Variants in GCDH observed in about 807,000 individuals in gnomAD.
GCDH encodes the protein glutaryl-CoA dehydrogenase.
In GCDH, 31 loss-of-function variants were observed where a neutral mutation model predicts 52.8. The ratio of observed to expected loss-of-function variants is 0.59; its 90% CI spans 0.44 to 0.79. The LOEUF (loss-of-function observed/expected upper bound fraction) is 0.79, where lower values mean the gene tolerates loss of function less well. GCDH is among the 30% of genes least tolerant of loss of function. The probability of loss-of-function intolerance (pLI) is 0.00; values close to 1 mark genes in which losing one functional copy is unlikely to be tolerated. For synonymous variants in GCDH, 242 were observed against 250.0 expected (o/e 0.97, Z 0.30); for missense variants, 509 against 595.0 (o/e 0.86, Z 1.50).
At chr19:12,892,932 C>CTGGATT (rs1238631430) in intron 5 of GCDH, among the ~76,000 whole-genome samples, 43 of 146,446 alleles carry the variant, frequency 2.9e-4, no homozygotes, top group African/African-American at 9.1e-4. Context: ...GCCTGGATTA[C>CTGGATT]TGGATTACAG....
chr19:12,893,816 C>T, intron 6 of GCDH, 163 bp downstream of exon 6: 1 of 703,076 alleles, frequency 1.4e-6, no homozygotes, highest in Non-Finnish European at 2.5e-6. Context: ...GAGATCTGAT[C>T]CCTGGCCAGC....
chr19:12,891,362 C>T lies in GCDH; in HGVS notation c.58C>T (p.Leu20Phe). The T allele has an allele frequency of 6.2e-7, 1 of 1,613,836 alleles. No individual in the cohort carries two copies. Among genetic ancestry groups the T allele is most frequent in the Non-Finnish European group, 8.5e-7 (1 of 1,180,014 alleles). The stretch of plus-strand genomic sequence containing the variant: ...GAGCCGCGGACCCGGCCTGCACGTC[C>T]TTCGCACGTGGGTCTCGTCGGCGGC... The part of the protein sequence containing the change: ...LLSRGPGLHV[L>F]RTWVSSAAQT... The change falls in exon 2 of 12, where the codon CTT (leucine) becomes TTT (phenylalanine). Residue 20 changes from leucine to phenylalanine, a missense_variant. Physicochemically the swap from Leu to Phe is conservative, Grantham distance 22. Transcript: ENST00000222214.
rs1195824990 is a variant in GCDH at position 12,899,305 on chromosome 19, G to C, written c.1244-163G>C. On this transcript the variant is annotated intron_variant, in intron 11 of 11. Coordinates refer to ENST00000222214, the MANE Select transcript of GCDH (RefSeq NM_000159.4). ...ATGGTGGCCTCACAGTCTTCTCCTGGAGACTGTCACTAAGGCGTGAGTCTC... is the reference window on the plus strand; with the variant it reads ...ATGGTGGCCTCACAGTCTTCTCCTGCAGACTGTCACTAAGGCGTGAGTCTC... 3 of 1,570,756 alleles carry C rather than the reference G, an allele frequency of 1.9e-6. No homozygotes were observed. The South Asian group carries it at 3.3e-5, about 17-fold the overall frequency.
intron 9 of GCDH, 125 bp from the exon 10 acceptor site, chr19:12,897,178 G>A: frequency 3.0e-6 from 4 of 1,344,094 alleles, no homozygotes; most frequent in Non-Finnish European, 4.2e-6. Context: ...TCAACGGCAG[G>A]GCCAGGGCAA....
chr19:12,899,289 T>C (rs1245391097), intron 11 of GCDH, 179 bp from the exon 12 acceptor site: 2 of 1,499,572 alleles, frequency 1.3e-6, no homozygotes, highest in East Asian at 2.3e-5. Context: ...AATGGTGGCC[T>C]CACAGTCTTC....
At chr19:12,892,728 G>A (rs1970588525) in intron 5 of GCDH, among the ~76,000 whole-genome samples, 1 of 147,524 alleles carries the variant, frequency 6.8e-6, no homozygotes, top group Non-Finnish European at 1.5e-5. Flanking sequence ...GATTACAGGC[G>A]TCCGCCACCA....
chr19:12,899,870 G>A lies in GCDH; in HGVS notation c.*329G>A. 6.3e-7 allele frequency: 1 copy of A among 1,590,434 alleles called. No individual in the cohort carries two copies. Among genetic ancestry groups the A allele is most frequent in the Non-Finnish European group, 8.6e-7 (1 of 1,161,596 alleles). On this transcript the variant is annotated 3_prime_UTR_variant, in exon 12 of 12. Coordinates refer to ENST00000222214, the MANE Select transcript of GCDH (RefSeq NM_000159.4). ...GCTGCAGCTGACCCCCTCACACTGAGTTCACAGTGCGCCCTCCCTCCCTCC... is the reference window on the plus strand; with the variant it reads ...GCTGCAGCTGACCCCCTCACACTGAATTCACAGTGCGCCCTCCCTCCCTCC...
chr19:12,892,330 T>G (rs1345317250), intron 5 of GCDH, 152 bp downstream of exon 5: 2 of 769,246 alleles, frequency 2.6e-6, no homozygotes, highest in Admixed American at 2.2e-5. Flanking sequence ...CTGGCTCTGT[T>G]GCCCAGGCTG....
rs1223974078 is a variant in GCDH, at chr19:12,891,195, ACT to A, written c.-41_-40del. 3.8e-6 allele frequency: 3 copies of A among 797,464 alleles called. No individual in the cohort carries two copies. In the African/African-American group the frequency reaches 5.1e-5, roughly 13 times the overall value. The allele number at this position is 797,464 out of a possible 1,614,324, so 49.4% of individuals were successfully genotyped here. A position where few individuals can be genotyped will look rare whatever the true frequency, so the allele number is the denominator to read the frequency against. ...TAGCCTCGGCAGTGAACCGGGAGGT[ACT>A]ACCAGGTAAGGAAGGTGCGGTAGCC... On this transcript the variant is annotated 5_prime_UTR_variant, in exon 1 of 12. Coordinates refer to ENST00000222214, the MANE Select transcript of GCDH (RefSeq NM_000159.4).
Position 12,895,979 on chromosome 19 carries a change from C to T in GCDH, c.506-13C>T, listed in dbSNP as rs1788135874. Reference sequence around the variant, plus strand: ...GGACCAGGCAGCCTTGTGACTTTGTCTTGTGCCTGCAGCCAAGGGGGAGCT... The same window carrying T: ...GGACCAGGCAGCCTTGTGACTTTGTTTTGTGCCTGCAGCCAAGGGGGAGCT... On this transcript the variant is annotated splice_polypyrimidine_tract_variant and intron_variant, in intron 6 of 11. Transcript: ENST00000222214. 1 of 1,613,746 alleles carries T rather than the reference C, an allele frequency of 6.2e-7. No homozygotes were observed. Among genetic ancestry groups the T allele is most frequent in the Admixed American group, 1.7e-5 (1 of 59,980 alleles).
At chr19:12,893,044 C>A (rs1298821770) in intron 5 of GCDH, among the ~76,000 whole-genome samples, 3 of 151,588 alleles carry the variant, frequency 2.0e-5, no homozygotes, top group Non-Finnish European at 2.9e-5. Context: ...CACCACCACG[C>A]CCAGCTAATT....
Position 12,899,522 on chromosome 19 carries a change from C to T in GCDH, c.1298C>T (p.Ala433Val), listed in dbSNP as rs933624223. 5.6e-6 allele frequency: 9 copies of T among 1,614,018 alleles called. No individual in the cohort carries two copies. Among genetic ancestry groups the T allele is most frequent in the African/African-American group, 2.7e-5 (2 of 74,938 alleles). Reference sequence around the variant, plus strand: ...GGGAGAGCTATCACGGGAATCCAGGCGTTCACGGCCAGCAAGTGAGCCGCT... The same window carrying T: ...GGGAGAGCTATCACGGGAATCCAGGTGTTCACGGCCAGCAAGTGAGCCGCT... ...ILGRAITGIQAFTASK is the reference protein window; with the variant it reads ...ILGRAITGIQVFTASK The change falls in exon 12 of 12, where the codon GCG becomes GTG. Residue 433 changes from alanine to valine, a missense_variant. Ala to Val is a moderately conservative substitution (Grantham distance 64). Coordinates refer to ENST00000222214, the MANE Select transcript of GCDH (RefSeq NM_000159.4).
At position 12,896,928 on chromosome 19, in the gene GCDH, A is replaced by T; in HGVS notation, c.871A>T (p.Asn291Tyr). ...CCTACAGGGTCCCTTCGGCTGCCTG[A>T]ACAACGCCCGGTACGGCATCGCGTG... Reference protein sequence around the residue: ...SSLGGPFGCLNNARYGIAWGV... With the variant: ...SSLGGPFGCLYNARYGIAWGV... The change falls in exon 9 of 12, where the codon AAC becomes TAC. Residue 291 changes from asparagine (N) to tyrosine (Y), a missense_variant. Coordinates refer to ENST00000222214, the MANE Select transcript of GCDH (RefSeq NM_000159.4). This position sits in a 1 kb window ranked among gnomAD's most constrained non-coding sequence, Gnocchi z 5.5. 2 of 1,613,292 alleles carry T rather than the reference A, an allele frequency of 1.2e-6. No homozygotes were observed. The highest frequency in any genetic ancestry group is 1.7e-6 in the Non-Finnish European group (2 of 1,179,912).
At chr19:12,891,734 G>A (rs766105340) in intron 3 of GCDH, 97 bp from the exon 4 acceptor site, 20 of 1,607,402 alleles carry the variant, frequency 1.2e-5, no homozygotes, top group Non-Finnish European at 1.6e-5. Flanking sequence ...ACTAGCCGGG[G>A]GGCGACATGG....
At chr19:12,899,009 G>A (rs1196093024) in intron 11 of GCDH, 3 of 381,126 alleles carry the variant, frequency 7.9e-6, no homozygotes, top group Non-Finnish European at 1.5e-5. Context: ...CCGAGGGTAA[G>A]AAAGGGCTTG....
rs786204626 is a variant in GCDH, at chr19:12,897,825, G to A, written c.1205G>A (p.Arg402Gln). 4.3e-6 allele frequency: 7 copies of A among 1,613,992 alleles called. No individual in the cohort carries two copies. Among genetic ancestry groups the A allele is most frequent in the Middle Eastern group, 1.6e-4 (1 of 6,062 alleles). ...ATTTCTGACGAGTATCACGTGATCCGGCACGCCATGAACCTGGAGGCCGTG... is the reference window on the plus strand; with the variant it reads ...ATTTCTGACGAGTATCACGTGATCCAGCACGCCATGAACCTGGAGGCCGTG... ...NGISDEYHVI[R>Q]HAMNLEAVNT... Residue 402 changes from arginine (R) to glutamine (Q), a missense_variant, in exon 11 of 12, where the codon CGG becomes CAG. Transcript: ENST00000222214.
chr19:12,891,361 C>T lies in GCDH; in HGVS notation c.57C>T (p.Val19=), dbSNP rs1211924450. 6.2e-7 allele frequency: 1 copy of T among 1,613,818 alleles called. No homozygotes were observed. The highest frequency in any genetic ancestry group is 1.1e-5 in the South Asian group (1 of 91,082). ...RLLSRGPGLH[V]LRTWVSSAAQ... ...TGAGCCGCGGACCCGGCCTGCACGTCCTTCGCACGTGGGTCTCGTCGGCGG... is the reference window on the plus strand; with the variant it reads ...TGAGCCGCGGACCCGGCCTGCACGTTCTTCGCACGTGGGTCTCGTCGGCGG... Residue 19 remains valine, a synonymous_variant, in exon 2 of 12, where the codon GTC becomes GTT. Coordinates refer to ENST00000222214, the MANE Select transcript of GCDH (RefSeq NM_000159.4).
At chr19:12,893,075 T>A (rs1336409029) in intron 5 of GCDH, among the ~76,000 whole-genome samples, 6 of 151,476 alleles carry the variant, frequency 4.0e-5, no homozygotes, top group Admixed American at 2.0e-4. Flanking sequence ...TTAGTAGAAA[T>A]GGGATTTCAC....
intron 3 of GCDH, 98 bp from the exon 4 acceptor site, chr19:12,891,733 G>C (rs1360694746): frequency 1.9e-6 from 3 of 1,607,132 alleles, no homozygotes; most frequent in African/African-American, 1.3e-5. Flanking sequence ...CACTAGCCGG[G>C]GGGCGACATG....
Sources: gnomAD v4.1 joint callset for allele counts (sites outside exome capture counted in the v4.1 genomes callset) on GRCh38, gnomAD v4.1.1 for gene constraint, Gnocchi (gnomAD v3.1) non-coding constraint, MANE v1.5 for transcripts, NCBI Gene and HGNC (gene_info 2026-07-23, HGNC 2026-07-21) for gene names.